Variants in GIT2 observed in about 807,000 individuals in gnomAD.
GIT2 encodes ARF GTPase-activating protein GIT2.
GIT2 carries 32 observed loss-of-function variants against 100.3 expected under a neutral mutation model. The observed-to-expected ratio is 0.32, with a 90% CI of 0.24 to 0.43. The LOEUF is 0.43. Among genes scored for constraint, GIT2 ranks in the 20% least tolerant of loss-of-function variants. The pLI, the probability that GIT2 is intolerant of heterozygous loss-of-function variation, is 1.00. For synonymous variants in GIT2, 353 were observed against 364.1 expected (o/e 0.97, Z 0.35); for missense variants, 737 against 975.1 (o/e 0.76, Z 3.25).
intron 16 of GIT2, chr12:109,942,721 T>C (rs1256746458): frequency 6.6e-6 from 1 of 152,214 alleles, no homozygotes; most frequent in Non-Finnish European, 1.5e-5. Context: ...AAGTACCAAG[T>C]TTCATTTAAA....
At chr12:109,963,764 CTGA>C (rs1455776686) in intron 9 of GIT2, among the ~76,000 whole-genome samples, 1 of 152,160 alleles carries the variant, frequency 6.6e-6, no homozygotes, top group Non-Finnish European at 1.5e-5. Flanking sequence ...TGACCTGGCG[CTGA>C]TAAGATGGTC....
chr12:109,964,784 G>A (rs1565976497), intron 9 of GIT2, among the ~76,000 whole-genome samples: 1 of 152,134 alleles, frequency 6.6e-6, no homozygotes, highest in East Asian at 1.9e-4. Context: ...AAGAGCAATG[G>A]GAACAGCTGA....
At chr12:109,935,503 G>A (rs1872730103) in intron 18 of GIT2, among the ~76,000 whole-genome samples, 2 of 152,158 alleles carry the variant, frequency 1.3e-5, no homozygotes, top group Admixed American at 6.5e-5. Context: ...CCGGCTTCAA[G>A]CAATTCTCCT....
intron 4 of GIT2, among the ~76,000 whole-genome samples, chr12:109,984,908 C>T (rs1166271153): frequency 6.6e-6 from 1 of 151,978 alleles, no homozygotes; most frequent in East Asian, 1.9e-4. Flanking sequence ...TATACAATAC[C>T]CTCTCTACCA....
intron 18 of GIT2, among the ~76,000 whole-genome samples, chr12:109,935,743 T>C (rs1174239216): frequency 6.6e-6 from 1 of 152,178 alleles, no homozygotes; most frequent in Non-Finnish European, 1.5e-5. Context: ...TTTTGAGAAA[T>C]ACGATTCACC....
chr12:109,949,545 C>G (rs887591530), intron 14 of GIT2, among the ~76,000 whole-genome samples: 8 of 152,122 alleles, frequency 5.3e-5, no homozygotes, highest in African/African-American at 1.4e-4. Context: ...AAGAACCAGG[C>G]TACACTTTTT....
chr12:109,936,935 T>G (rs1873195209), intron 18 of GIT2, among the ~76,000 whole-genome samples: 1 of 151,568 alleles, frequency 6.6e-6, no homozygotes, highest in African/African-American at 2.4e-5. Flanking sequence ...TAATCAAATA[T>G]GAAGTCACTC....
At chr12:109,956,226 G>A (rs1390846365) in intron 12 of GIT2, among the ~76,000 whole-genome samples, 1 of 152,142 alleles carries the variant, frequency 6.6e-6, no homozygotes, top group African/African-American at 2.4e-5. Context: ...CACTGCGTCT[G>A]GCCAAGGAGA....
intron 18 of GIT2, among the ~76,000 whole-genome samples, 171 bp downstream of exon 18, chr12:109,938,209 A>C (rs1241312068): frequency 6.6e-6 from 1 of 152,214 alleles, no homozygotes; most frequent in Non-Finnish European, 1.5e-5. Context: ...TAAATCAAAC[A>C]AGACAAAGCA....
intron 4 of GIT2, among the ~76,000 whole-genome samples, chr12:109,988,703 A>C (rs1441869739): frequency 6.6e-6 from 1 of 151,968 alleles, no homozygotes; most frequent in Non-Finnish European, 1.5e-5. Context: ...AAATACAAAA[A>C]TTAGCTGGGC....
At chr12:109,975,385 T>A (rs1463537848) in intron 7 of GIT2, among the ~76,000 whole-genome samples, 1 of 151,966 alleles carries the variant, frequency 6.6e-6, no homozygotes, top group Non-Finnish European at 1.5e-5. Flanking sequence ...TCTATAAAAT[T>A]TTTTGTAGTG....
intron 9 of GIT2, among the ~76,000 whole-genome samples, chr12:109,963,104 C>T (rs563342311): frequency 2.0e-5 from 3 of 152,176 alleles, no homozygotes; most frequent in South Asian, 2.1e-4. Context: ...AGGTTATAAA[C>T]GTCTACAATT....
chr12:109,953,438 A>G (rs1878475449), intron 12 of GIT2: 2 of 546,576 alleles, frequency 3.7e-6, no homozygotes, highest in South Asian at 2.2e-5. Flanking sequence ...AGGCAACACA[A>G]TGAGACTCCA....
At chr12:109,973,736 G>C (rs1884453199) in intron 7 of GIT2, among the ~76,000 whole-genome samples, 1 of 151,248 alleles carries the variant, frequency 6.6e-6, no homozygotes. Context: ...TTTCTTAAGG[G>C]AGGAGCTTAT....
intron 12 of GIT2, among the ~76,000 whole-genome samples, chr12:109,958,837 G>A (rs1408939248): frequency 6.6e-6 from 1 of 152,284 alleles, no homozygotes; most frequent in Middle Eastern, 3.4e-3. Context: ...AATAGGGCTG[G>A]AGAGGAAGGA....
At chr12:109,938,920 CTT>C in intron 17 of GIT2, 1 of 507,668 alleles carries the variant, frequency 2.0e-6, no homozygotes, top group East Asian at 3.4e-5. Context: ...GGGGTAATGA[CTT>C]TAAACACACT....
rs1392282950 is a variant in GIT2 at position 109,939,187 on chromosome 12, C to T, written c.1792G>A (p.Asp598Asn). The change falls in exon 17 of 20, where the codon GAC becomes AAC. Residue 598 changes from aspartate to asparagine, a missense_variant. Physicochemically the swap from Asp to Asn is conservative, Grantham distance 23. Around this residue, in one of 3 missense-constraint regions of GIT2, gnomAD observed 451 missense variants for 543.7 expected, o/e 0.83. Transcript: ENST00000355312. ...PESDYDNTPN[D>N]MEPDGMGSSR... ...TACCCCATGCCATCTGGCTCCATGT[C>T]GTTGGGAGTGTTGTCGTAGTCACTC... 2.5e-6 allele frequency: 4 copies of T among 1,610,308 alleles called. No homozygotes were observed. Among genetic ancestry groups the T allele is most frequent in the Admixed American group, 1.7e-5 (1 of 59,978 alleles).
At chr12:109,972,932 C>G (rs1489284042) in intron 7 of GIT2, among the ~76,000 whole-genome samples, 1 of 152,124 alleles carries the variant, frequency 6.6e-6, no homozygotes, top group Non-Finnish European at 1.5e-5. Flanking sequence ...AAGCAATCCT[C>G]TCACCTCAGC....
upstream of GIT2, among the ~76,000 whole-genome samples, chr12:109,996,842 CTGAGGCAGGAGGATCACT>C (rs1182944272): frequency 2.0e-5 from 3 of 152,142 alleles, no homozygotes; most frequent in Non-Finnish European, 4.4e-5. Flanking sequence ...CTTTGGAAGG[CTGAGGCAGGAGGATCACT>C]TGAGGCAGGA....
Sources: gnomAD v4.1 joint callset for allele counts (sites outside exome capture counted in the v4.1 genomes callset) on GRCh38, gnomAD v4.1.1 for gene constraint, gnomAD v4.1.1 regional missense constraint, MANE v1.5 for transcripts, NCBI Gene and HGNC (gene_info 2026-07-23, HGNC 2026-07-21) for gene names.